The following GNB1L variants were observed in gnomAD, a reference collection of about 807,000 sequenced individuals.
GNB1L encodes the protein guanine nucleotide-binding protein subunit beta-like protein 1.
A neutral mutation model predicts 29.1 loss-of-function variants in GNB1L; 20 were observed. The ratio of observed to expected loss-of-function variants is 0.69; its 90% CI spans 0.48 to 1.00. The LOEUF is 1.00. Ranked by LOEUF, GNB1L falls within the 50% of genes least tolerant of loss-of-function variation. The probability of loss-of-function intolerance (pLI) is 0.00; values close to 1 mark genes in which losing one functional copy is unlikely to be tolerated. For missense variants in GNB1L, 421 were observed against 464.9 expected (o/e 0.91, Z 0.87); for synonymous variants, 193 against 206.5 (o/e 0.93, Z 0.56).
chr22:19,807,423 C>T (rs954981817), intron 5 of GNB1L, among the ~76,000 whole-genome samples: 1 of 152,184 alleles, frequency 6.6e-6, no homozygotes, highest in Non-Finnish European at 1.5e-5. Flanking sequence ...TCCAGGTCCG[C>T]CTGCACCCTC....
At chr22:19,806,513 A>G in intron 6 of GNB1L, 146 bp downstream of exon 6, 1 of 605,116 alleles carries the variant, frequency 1.7e-6, no homozygotes, top group Non-Finnish European at 2.9e-6. Flanking sequence ...GGCCGTGGGG[A>G]CACTGAGGCA....
intron 7 of GNB1L, 72 bp from the exon 8 acceptor site, chr22:19,789,032 T>C (rs751834682): frequency 6.7e-7 from 1 of 1,484,244 alleles, no homozygotes; most frequent in Admixed American, 1.9e-5. Context: ...GTGCCCCACC[T>C]GCAGCTGGAA....
intron 2 of GNB1L, among the ~76,000 whole-genome samples, chr22:19,825,045 C>G (rs1360971463): frequency 6.6e-6 from 1 of 152,224 alleles, no homozygotes; most frequent in Non-Finnish European, 1.5e-5. Context: ...CCAGAGAGGC[C>G]ACTGGCACCA....
At chr22:19,824,781 G>A (rs1033139715) in intron 2 of GNB1L, among the ~76,000 whole-genome samples, 2 of 152,194 alleles carry the variant, frequency 1.3e-5, no homozygotes, top group African/African-American at 2.4e-5. Context: ...TCCTGCTGGC[G>A]CAAACCCACC....
At chr22:19,851,586 C>T (rs754341627) in intron 2 of GNB1L, 33 of 1,603,838 alleles carry the variant, frequency 2.1e-5, no homozygotes, top group Middle Eastern at 3.3e-4. Context: ...GTACCCATGT[C>T]GAGTGCCAGG....
chr22:19,822,435 G>A (rs987067494), intron 2 of GNB1L, among the ~76,000 whole-genome samples: 8 of 152,220 alleles, frequency 5.3e-5, no homozygotes, highest in Admixed American at 1.3e-4. Context: ...ACAGGGCCTC[G>A]CACTCCACCT....
chr22:19,844,802 C>T (rs1051178036), intron 2 of GNB1L, among the ~76,000 whole-genome samples: 9 of 152,210 alleles, frequency 5.9e-5, no homozygotes, highest in Non-Finnish European at 1.2e-4. Context: ...GCAGAGGGAC[C>T]GGCCTTTTTG....
chr22:19,851,556 C>T, intron 2 of GNB1L: 1 of 1,612,888 alleles, frequency 6.2e-7, no homozygotes. Context: ...GCCATGGCGG[C>T]TGGTAAAGAC....
At chr22:19,794,723 C>T (rs1937287322) in intron 7 of GNB1L, among the ~76,000 whole-genome samples, 1 of 152,190 alleles carries the variant, frequency 6.6e-6, no homozygotes, top group Non-Finnish European at 1.5e-5. Flanking sequence ...CATCTGTCTG[C>T]TAAAGATGCT....
At chr22:19,799,686 G>A (rs541321679) in intron 7 of GNB1L, among the ~76,000 whole-genome samples, 11 of 152,356 alleles carry the variant, frequency 7.2e-5, no homozygotes, top group East Asian at 5.8e-4. Context: ...CCGTGCCCAC[G>A]TGGCTCTCAG....
chr22:19,823,584 A>G (rs1937595687), intron 2 of GNB1L, among the ~76,000 whole-genome samples: 2 of 152,210 alleles, frequency 1.3e-5, no homozygotes, highest in South Asian at 4.1e-4. Context: ...GAAAGCACCG[A>G]GTCCAGGATG....
intron 2 of GNB1L, among the ~76,000 whole-genome samples, chr22:19,845,403 C>T (rs763666792): frequency 3.9e-5 from 6 of 152,250 alleles, no homozygotes; most frequent in Non-Finnish European, 8.8e-5. Flanking sequence ...CAAACACTCC[C>T]CAGTCCCCTG....
chr22:19,834,530 T>C (rs974263688), intron 2 of GNB1L, among the ~76,000 whole-genome samples: 8 of 152,000 alleles, frequency 5.3e-5, no homozygotes, highest in African/African-American at 7.3e-5. Flanking sequence ...TCTGTTGAGG[T>C]TTTCAATATG....
intron 2 of GNB1L, among the ~76,000 whole-genome samples, chr22:19,827,646 T>C (rs923982026): frequency 6.6e-6 from 1 of 152,196 alleles, no homozygotes; most frequent in Non-Finnish European, 1.5e-5. Context: ...TACAATGTGA[T>C]ATAATTACAC....
At chr22:19,791,819 G>A (rs941789071) in intron 7 of GNB1L, among the ~76,000 whole-genome samples, 1 of 152,202 alleles carries the variant, frequency 6.6e-6, no homozygotes, top group African/African-American at 2.4e-5. Flanking sequence ...TCAGGAATAG[G>A]ATTCTATCTT....
chr22:19,842,731 A>G (rs1478852626), intron 2 of GNB1L, among the ~76,000 whole-genome samples: 1 of 152,204 alleles, frequency 6.6e-6, no homozygotes, highest in Admixed American at 6.5e-5. Context: ...TCCCTGGGCA[A>G]GGAAAACATG....
chr22:19,800,914 G>A (rs1937362756), intron 7 of GNB1L, among the ~76,000 whole-genome samples: 1 of 152,222 alleles, frequency 6.6e-6, no homozygotes, highest in Admixed American at 6.5e-5. Context: ...ACGGACCCGA[G>A]GTGAACCCTC....
At chr22:19,822,772 A>T (rs1937589440) in intron 2 of GNB1L, among the ~76,000 whole-genome samples, 1 of 152,186 alleles carries the variant, frequency 6.6e-6, no homozygotes, top group African/African-American at 2.4e-5. Context: ...GCTGGGTGGT[A>T]GGCGGATGGG....
chr22:19,809,660 A>G (rs897150167), intron 5 of GNB1L, among the ~76,000 whole-genome samples: 1 of 152,154 alleles, frequency 6.6e-6, no homozygotes, highest in Non-Finnish European at 1.5e-5. Context: ...GCCTGTCTGT[A>G]TGCTCCCCTA....
Sources: gnomAD v4.1 joint callset for allele counts (sites outside exome capture counted in the v4.1 genomes callset) on GRCh38, gnomAD v4.1.1 for gene constraint, MANE v1.5 for transcripts, NCBI Gene and HGNC (gene_info 2026-07-23, HGNC 2026-07-21) for gene names.